C22orf31: variants seen among roughly 807,000 people sequenced by gnomAD.
C22orf31 encodes chromosome 22 open reading frame 31.
Under a neutral mutation model 15.0 loss-of-function variants are expected in C22orf31, and 11 were observed. That is an observed-to-expected ratio of 0.73 (90% CI 0.46 to 1.21). C22orf31 has a LOEUF of 1.21. Among genes scored for constraint, C22orf31 ranks in the 50% most tolerant of loss-of-function variants. C22orf31 has a pLI of 0.00. For synonymous variants in C22orf31, 132 were observed against 133.3 expected (o/e 0.99, Z 0.07); for missense variants, 340 against 347.2 (o/e 0.98, Z 0.17).
the C22orf31 span, among the ~76,000 whole-genome samples, chr22:29,066,861 A>G: frequency 7.9e-5 from 12 of 151,930 alleles, no homozygotes; most frequent in Non-Finnish European, 1.5e-4. Context: ...GCGCCCAGCC[A>G]ACGCCTCCTC....
At chr22:29,064,798 A>C (rs1056139579), upstream of C22orf31, among the ~76,000 whole-genome samples, 7 of 144,222 alleles carry the variant, frequency 4.9e-5, no homozygotes, top group African/African-American at 1.8e-4. Flanking sequence ...TGGCCTCCCG[A>C]AGTGCTGGGA....
intron 1 of C22orf31, 62 bp downstream of exon 1, chr22:29,061,728 C>A (rs1324067470): frequency 8.0e-7 from 1 of 1,244,590 alleles, no homozygotes; most frequent in Admixed American, 2.2e-5. Flanking sequence ...AGATTAGAAT[C>A]ACATATTTAA....
the C22orf31 span, among the ~76,000 whole-genome samples, chr22:29,072,689 T>A: frequency 6.6e-6 from 1 of 152,104 alleles, no homozygotes; most frequent in Non-Finnish European, 1.5e-5. Context: ...ACGACCTAAG[T>A]GAGGGTGGAG....
chr22:29,065,505 A>G (rs1279288073), upstream of C22orf31, among the ~76,000 whole-genome samples: 4 of 152,218 alleles, frequency 2.6e-5, no homozygotes, highest in African/African-American at 9.6e-5. Context: ...TGACTTGGGT[A>G]TCAGACTTTC....
chr22:29,060,372 C>T (rs6005976), intron 2 of C22orf31, 43 bp downstream of exon 2: 101,550 of 1,537,848 alleles, frequency 0.066, 3,831 homozygotes, highest in African/African-American at 0.14. Flanking sequence ...CCTTTTCCCT[C>T]CCCTCGCCAG....
Position 29,059,002 on chromosome 22 carries a change from T to A in C22orf31, c.613A>T (p.Ile205Phe). Reference protein sequence around the residue: ...RQQLSEDTLTIHGLPTEGYQA... With the variant: ...RQQLSEDTLTFHGLPTEGYQA... The stretch of plus-strand genomic sequence containing the variant: ...TAACCCTCTGTGGGGAGACCATGGA[T>A]GGTTAGCGTGTCCTCCGACAACTGC... Residue 205 changes from isoleucine to phenylalanine, a missense_variant, in exon 3 of 3, where the codon ATC (isoleucine) becomes TTC (phenylalanine). Transcript: ENST00000216071. 6.2e-7 allele frequency: 1 copy of A among 1,614,180 alleles called. No individual in the cohort carries two copies. The highest frequency in any genetic ancestry group is 8.5e-7 in the Non-Finnish European group (1 of 1,180,030).
the C22orf31 span, among the ~76,000 whole-genome samples, chr22:29,069,442 C>T: frequency 3.3e-5 from 5 of 152,140 alleles, no homozygotes; most frequent in Admixed American, 3.3e-4. Context: ...ATCCTGCTGC[C>T]CTCGGAGGAA....
At chr22:29,073,201 C>T in the C22orf31 span, 1 of 1,190,120 alleles carries the variant, frequency 8.4e-7, no homozygotes, top group South Asian at 3.9e-5. This position sits in a 1 kb window ranked among gnomAD's most constrained non-coding sequence, Gnocchi z 4.4. Flanking sequence ...CGGCCCGCGC[C>T]TAGCCCCGGC....
In C22orf31 at chr22:29,060,520, GTCCTTGTGCTTTAATC is replaced by G; in HGVS notation, c.311_326del (p.Arg104ThrfsTer4). 6.2e-7 allele frequency: 1 copy of G among 1,613,960 alleles called. No individual in the cohort carries two copies. The highest frequency in any genetic ancestry group is 8.5e-7 in the Non-Finnish European group (1 of 1,179,988). On this transcript the variant is annotated frameshift_variant, in exon 2 of 3. Coordinates refer to ENST00000216071, the MANE Select transcript of C22orf31 (RefSeq NM_015370.2). LOFTEE classifies it high-confidence loss of function. The stretch of plus-strand genomic sequence containing the variant: ...GCTGGGTGGCTTTCATCACTGAATC[GTCCTTGTGCTTTAATC>G]TCTTCGAGAGTTTTCCTTCTCCAAA...
At chr22:29,073,504 C>A in the C22orf31 span, among the ~76,000 whole-genome samples, 1 of 151,952 alleles carries the variant, frequency 6.6e-6, no homozygotes, top group East Asian at 2.0e-4. The surrounding 1 kb of genome is among the most constrained non-coding windows in gnomAD (Gnocchi z 4.4). Context: ...GCCCTCTCCG[C>A]CTTGAGTCTT....
the C22orf31 span, chr22:29,073,260 G>T: frequency 9.8e-7 from 1 of 1,019,184 alleles, no homozygotes; most frequent in Non-Finnish European, 1.2e-6. The surrounding 1 kb of genome is among the most constrained non-coding windows in gnomAD (Gnocchi z 4.4). Flanking sequence ...CGCCCGCCCT[G>T]AGCGGAGCCC....
the C22orf31 span, among the ~76,000 whole-genome samples, chr22:29,071,279 C>T: frequency 6.6e-6 from 1 of 152,234 alleles, no homozygotes; most frequent in Non-Finnish European, 1.5e-5. Context: ...AAAACAATAA[C>T]TGAACAAGAT....
At chr22:29,061,927 T>C, upstream of C22orf31, 1 of 719,248 alleles carries the variant, frequency 1.4e-6, no homozygotes, top group Non-Finnish European at 2.3e-6. Flanking sequence ...TTTCTCTGCC[T>C]TAGTCACATA....
At chr22:29,061,704 A>G in intron 1 of C22orf31, 86 bp downstream of exon 1, 4 of 1,061,206 alleles carry the variant, frequency 3.8e-6, no homozygotes, top group Non-Finnish European at 1.4e-6. Context: ...TAAGAGCAAC[A>G]GAACAATTTG....
the C22orf31 span, chr22:29,073,110 G>T: frequency 1.1e-6 from 1 of 927,362 alleles, no homozygotes; most frequent in Non-Finnish European, 1.3e-6. The surrounding 1 kb of genome is among the most constrained non-coding windows in gnomAD (Gnocchi z 4.4). Context: ...GCCGCGCCCC[G>T]GGGCCCCGCA....
upstream of C22orf31, among the ~76,000 whole-genome samples, chr22:29,064,817 G>C: frequency 6.8e-6 from 1 of 147,794 alleles, no homozygotes; most frequent in Non-Finnish European, 1.5e-5. Flanking sequence ...GACTACAGCT[G>C]TGAACCAACA....
At chr22:29,067,010 T>A in the C22orf31 span, among the ~76,000 whole-genome samples, 1 of 152,318 alleles carries the variant, frequency 6.6e-6, no homozygotes, top group East Asian at 1.9e-4. Context: ...ACTGCCTCTC[T>A]TGAATTTCCC....
chr22:29,058,799 T>A lies in C22orf31; in HGVS notation c.816A>T (p.Pro272=). 6.2e-7 allele frequency: 1 copy of A among 1,614,216 alleles called. No homozygotes were observed. The highest frequency in any genetic ancestry group is 8.5e-7 in the Non-Finnish European group (1 of 1,180,020). The part of the protein sequence containing the change: ...QRDRFPGRKQ[P]GVHEEPVLKK... The stretch of plus-strand genomic sequence containing the variant: ...TGAGTACAGGCTCCTCGTGGACACC[T>A]GGCTGCTTCCTGCCAGGGAACCGGT... The change falls in exon 3 of 3, where the codon CCA becomes CCT. Residue 272 remains proline (P), a synonymous_variant. Coordinates refer to ENST00000216071, the MANE Select transcript of C22orf31 (RefSeq NM_015370.2).
chr22:29,072,733 C>G, the C22orf31 span, among the ~76,000 whole-genome samples: 15,509 of 152,186 alleles, frequency 0.1, 1,136 homozygotes, highest in East Asian at 0.32. Flanking sequence ...TATTTCAGCC[C>G]GGCCAAACCG....
Sources: gnomAD v4.1 joint callset for allele counts (sites outside exome capture counted in the v4.1 genomes callset) on GRCh38, gnomAD v4.1.1 for gene constraint, Gnocchi (gnomAD v3.1) non-coding constraint, MANE v1.5 for transcripts, NCBI Gene and HGNC (gene_info 2026-07-23, HGNC 2026-07-21) for gene names.